Variants in GSG1L observed in about 807,000 individuals in gnomAD.
The protein encoded by GSG1L is GSG1 like, also known as germ cell-specific gene 1-like protein.
GSG1L carries 24 observed loss-of-function variants against 42.1 expected under a neutral mutation model. The ratio of observed to expected loss-of-function variants is 0.57; its 90% CI spans 0.41 to 0.80. The LOEUF (loss-of-function observed/expected upper bound fraction) is 0.80, where lower values mean the gene tolerates loss of function less well. Ranked by LOEUF, GSG1L falls within the 30% of genes least tolerant of loss-of-function variation. The pLI is 0.00. For synonymous variants in GSG1L, 215 were observed against 203.5 expected (o/e 1.06, Z -0.48); for missense variants, 445 against 472.2 (o/e 0.94, Z 0.53).
intron 2 of GSG1L, among the ~76,000 whole-genome samples, chr16:27,890,403 CTG>C (rs2084112000): frequency 6.6e-6 from 1 of 152,166 alleles, no homozygotes; most frequent in South Asian, 2.1e-4. Flanking sequence ...CCAGGGAACT[CTG>C]TATGCTGAGA....
chr16:27,969,868 G>A (rs2085174233), intron 1 of GSG1L, among the ~76,000 whole-genome samples: 1 of 152,198 alleles, frequency 6.6e-6, no homozygotes, highest in African/African-American at 2.4e-5. Flanking sequence ...AGCAACACTT[G>A]CTATTGTTCG....
intron 1 of GSG1L, among the ~76,000 whole-genome samples, chr16:28,034,085 G>C (rs1430423315): frequency 6.7e-6 from 1 of 149,304 alleles, no homozygotes; most frequent in Non-Finnish European, 1.5e-5. Flanking sequence ...ATTCCATCCT[G>C]TCCCAACCCA....
chr16:27,884,430 G>T lies in GSG1L; in HGVS notation c.550+56C>A. Reference sequence around the variant, plus strand: ...TGGTACAACCAGGGCTTACTCCAAGGGCAGCACCCTTTCTCGCCTGTGCTC... The same window carrying T: ...TGGTACAACCAGGGCTTACTCCAAGTGCAGCACCCTTTCTCGCCTGTGCTC... On this transcript the variant is annotated intron_variant, in intron 3 of 6. Coordinates refer to ENST00000447459, the MANE Select transcript of GSG1L (RefSeq NM_001109763.2). The surrounding 1 kb of genome is among the most constrained non-coding windows in gnomAD (Gnocchi z 4.4). The T allele has an allele frequency of 6.5e-7, 1 of 1,542,902 alleles. No homozygotes were observed. The highest frequency in any genetic ancestry group is 8.8e-7 in the Non-Finnish European group (1 of 1,134,904).
At chr16:27,844,856 A>ACCCCCCCCC in intron 4 of GSG1L, 94 bp downstream of exon 4, 1 of 69,334 alleles carries the variant, frequency 1.4e-5, no homozygotes, top group South Asian at 1.3e-4. Flanking sequence ...CCTCCCCCCC[A>ACCCCCCCCC]CCGCCCCCCA....
rs891674705 is a variant in GSG1L, at chr16:28,040,164, G to A, written c.349+22912C>T. Among the ~76,000 whole-genome samples, 6 of 152,202 alleles carry A rather than the reference G, an allele frequency of 3.9e-5. No homozygotes were observed. The highest frequency in any genetic ancestry group is 9.6e-5 in the African/African-American group (4 of 41,506). ...GCTGCCATCGTCTCCTTCATGGACC[G>A]CTGCAGTCGCCTCCTAACTGGACTC... On this transcript the variant is annotated intron_variant, in intron 1 of 6. Coordinates refer to ENST00000447459, the MANE Select transcript of GSG1L (RefSeq NM_001109763.2). The surrounding 1 kb of genome is among the most constrained non-coding windows in gnomAD (Gnocchi z 4.1).
At chr16:27,934,910 G>A (rs542425898) in intron 2 of GSG1L, among the ~76,000 whole-genome samples, 3 of 152,330 alleles carry the variant, frequency 2.0e-5, no homozygotes, top group East Asian at 3.9e-4. Context: ...GGCACCTACT[G>A]GATGCCAAGC....
intron 1 of GSG1L, among the ~76,000 whole-genome samples, chr16:27,972,938 A>G (rs897860124): frequency 2.0e-5 from 3 of 152,170 alleles, no homozygotes; most frequent in Admixed American, 6.6e-5. Flanking sequence ...TCCTTCAGGG[A>G]AGGGCATTTA....
chr16:27,928,769 T>C (rs1030022129), intron 2 of GSG1L, among the ~76,000 whole-genome samples: 1 of 152,230 alleles, frequency 6.6e-6, no homozygotes, highest in African/African-American at 2.4e-5. Flanking sequence ...CCTTGAGAGC[T>C]GTCCTGATCT....
In GSG1L at chr16:28,063,268, G is replaced by T. The variant is rs1320369108; in HGVS notation, c.157C>A (p.Pro53Thr). The T allele has an allele frequency of 1.5e-6, 2 of 1,362,412 alleles. No individual in the cohort carries two copies. The highest frequency in any genetic ancestry group is 3.0e-5 in the African/African-American group (2 of 65,662). The allele number at this position is 1,362,412 out of a possible 1,614,324, so 84.4% of individuals were successfully genotyped here. A position where few individuals can be genotyped will look rare whatever the true frequency, so the allele number is the denominator to read the frequency against. The change falls in exon 1 of 7, where the codon CCC becomes ACC. Residue 53 changes from proline to threonine, a missense_variant. This residue lies in a region of GSG1L where 156 missense variants were observed against 128.3 expected (regional missense o/e 1.22). Coordinates refer to ENST00000447459, the MANE Select transcript of GSG1L (RefSeq NM_001109763.2). This position sits in a 1 kb window ranked among gnomAD's most constrained non-coding sequence, Gnocchi z 5.8. ...GCCGTGGCGTTGGCGCCCGAGTTGG[G>T]GCAGTTGGCGCGCCCGCCCTGGCCG... ...GCGQGGRANC[P>T]NSGANATANG...
Position 27,857,784 on chromosome 16 carries a change from C to T in GSG1L, c.551-12723G>A, listed in dbSNP as rs534587980. Among the ~76,000 whole-genome samples the T allele has an allele frequency of 2.0e-5, 3 of 152,140 alleles. No homozygotes were observed. The East Asian group carries it at 5.8e-4, about 30-fold the overall frequency. Reference sequence around the variant, plus strand: ...CTGTTTTGTGTCTGCCTCTCTCTCCCTACCCCCTCTCCAAGACGTCCAGTT... The same window carrying T: ...CTGTTTTGTGTCTGCCTCTCTCTCCTTACCCCCTCTCCAAGACGTCCAGTT... On this transcript the variant is annotated intron_variant, in intron 3 of 6. Transcript: ENST00000447459.
At chr16:27,862,093 G>A (rs907719459) in intron 3 of GSG1L, among the ~76,000 whole-genome samples, 1 of 152,172 alleles carries the variant, frequency 6.6e-6, no homozygotes. Context: ...ACTCTAAGGT[G>A]ATCCCATGCC....
At chr16:27,903,524 G>C (rs767767667) in intron 2 of GSG1L, among the ~76,000 whole-genome samples, 1 of 152,198 alleles carries the variant, frequency 6.6e-6, no homozygotes, top group East Asian at 1.9e-4. Flanking sequence ...CCACAAGGAC[G>C]AGTACTAAAG....
intron 1 of GSG1L, among the ~76,000 whole-genome samples, chr16:27,982,390 G>A (rs1351933924): frequency 2.0e-5 from 3 of 152,140 alleles, no homozygotes; most frequent in Non-Finnish European, 4.4e-5. Flanking sequence ...GGGGTCATGT[G>A]AGCAGTGGGT....
chr16:27,967,585 G>A (rs897455147), intron 1 of GSG1L, among the ~76,000 whole-genome samples: 2 of 152,194 alleles, frequency 1.3e-5, no homozygotes, highest in African/African-American at 4.8e-5. Context: ...TTAGCCCACT[G>A]AAAGAGATGT....
chr16:27,897,668 T>C (rs2084207426), intron 2 of GSG1L, among the ~76,000 whole-genome samples: 2 of 152,182 alleles, frequency 1.3e-5, no homozygotes, highest in Non-Finnish European at 2.9e-5. Flanking sequence ...GCCCCCACCA[T>C]GGCCCCTAGA....
intron 2 of GSG1L, among the ~76,000 whole-genome samples, chr16:27,955,036 A>T (rs1364957747): frequency 6.6e-6 from 1 of 152,136 alleles, no homozygotes; most frequent in Non-Finnish European, 1.5e-5. Flanking sequence ...CCCCATCTCC[A>T]CTGTATCTTG....
At chr16:27,793,956 C>G (rs1007975443) in intron 6 of GSG1L, among the ~76,000 whole-genome samples, 1 of 152,338 alleles carries the variant, frequency 6.6e-6, no homozygotes, top group African/African-American at 2.4e-5. Context: ...GAGTCAGAGA[C>G]AGTGCCAATT....
intron 1 of GSG1L, among the ~76,000 whole-genome samples, chr16:28,038,936 C>T (rs1018617936): frequency 6.6e-6 from 1 of 152,112 alleles, no homozygotes; most frequent in African/African-American, 2.4e-5. Flanking sequence ...CTATCAGATC[C>T]ACAGAGAGCA....
chr16:27,839,363 C>G (rs1174056123), intron 4 of GSG1L, among the ~76,000 whole-genome samples: 2 of 152,244 alleles, frequency 1.3e-5, no homozygotes, highest in Non-Finnish European at 2.9e-5. Flanking sequence ...CCACTACCCT[C>G]AGTCTGCAGA....
Sources: allele counts gnomAD v4.1 joint callset (sites outside exome capture counted in the v4.1 genomes callset), GRCh38; gene constraint gnomAD v4.1.1; regional missense constraint gnomAD v4.1.1; non-coding constraint Gnocchi (gnomAD v3.1); transcripts MANE v1.5; gene names NCBI Gene and HGNC (gene_info 2026-07-23, HGNC 2026-07-21).